VPS41: variants seen among roughly 807,000 people sequenced by gnomAD.
VPS41 encodes vacuolar protein sorting-associated protein 41 homolog.
A neutral mutation model predicts 130.9 loss-of-function variants in VPS41; 85 were observed. The ratio of observed to expected loss-of-function variants is 0.65; its 90% CI spans 0.55 to 0.78. The LOEUF (loss-of-function observed/expected upper bound fraction) is 0.78. Among genes scored for constraint, VPS41 ranks in the 30% least tolerant of loss-of-function variants. The probability of loss-of-function intolerance (pLI) is 0.00; values close to 1 mark genes in which losing one functional copy is unlikely to be tolerated. For missense variants in VPS41, 874 were observed against 1,018.7 expected (o/e 0.86, Z 1.93); for synonymous variants, 335 against 332.9 (o/e 1.01, Z -0.07).
chr7:38,849,236 G>A (rs1307756525), intron 4 of VPS41, among the ~76,000 whole-genome samples: 1 of 152,124 alleles, frequency 6.6e-6, no homozygotes, highest in African/African-American at 2.4e-5. Flanking sequence ...AGATGGGTGG[G>A]CTGTGGTGCT....
intron 19 of VPS41, among the ~76,000 whole-genome samples, chr7:38,755,490 A>G (rs1175225432): frequency 6.6e-6 from 1 of 152,224 alleles, no homozygotes; most frequent in Non-Finnish European, 1.5e-5. Context: ...CACTTTTATC[A>G]TTCAGGAAAC....
chr7:38,792,306 G>T (rs1784549465), intron 9 of VPS41, among the ~76,000 whole-genome samples: 1 of 152,214 alleles, frequency 6.6e-6, no homozygotes, highest in African/African-American at 2.4e-5. Flanking sequence ...TCTTGCCCAT[G>T]AACTCTAATC....
chr7:38,759,349 TTG>T (rs1462144112), intron 17 of VPS41, among the ~76,000 whole-genome samples: 1 of 152,188 alleles, frequency 6.6e-6, no homozygotes. Context: ...CACAGAAGTG[TTG>T]TGTTGTGAGA....
At chr7:38,905,484 G>A (rs9886108) in intron 1 of VPS41, among the ~76,000 whole-genome samples, 141,931 of 152,252 alleles carry the variant, frequency 0.93, 66,306 homozygotes, top group East Asian at 1. Context: ...GAATTTCCCA[G>A]TGACTTATAA....
intron 22 of VPS41, among the ~76,000 whole-genome samples, chr7:38,749,876 T>G (rs1796058478): frequency 6.6e-6 from 1 of 152,206 alleles, no homozygotes; most frequent in Non-Finnish European, 1.5e-5. Flanking sequence ...TCTTTTTTAT[T>G]TATTTAAAGA....
At chr7:38,812,990 C>T (rs186073626) in intron 7 of VPS41, among the ~76,000 whole-genome samples, 1 of 152,220 alleles carries the variant, frequency 6.6e-6, no homozygotes, top group East Asian at 1.9e-4. Flanking sequence ...TTCAAAATGT[C>T]CAACATAGAG....
chr7:38,863,767 C>T (rs1475552289), intron 3 of VPS41, among the ~76,000 whole-genome samples: 4 of 152,118 alleles, frequency 2.6e-5, no homozygotes, highest in African/African-American at 9.7e-5. Flanking sequence ...ATGACGATTC[C>T]GCTGCACAGG....
intron 7 of VPS41, among the ~76,000 whole-genome samples, chr7:38,801,689 T>C (rs1784729423): frequency 6.6e-6 from 1 of 152,240 alleles, no homozygotes; most frequent in Non-Finnish European, 1.5e-5. Flanking sequence ...TCACTGAGAT[T>C]GGTGTGTTTA....
chr7:38,769,579 AG>A (rs574432202), intron 14 of VPS41, among the ~76,000 whole-genome samples: 87 of 152,266 alleles, frequency 5.7e-4, no homozygotes, highest in African/African-American at 1.9e-3. Context: ...CTCCTTCCAC[AG>A]GGTATCTCTA....
intron 10 of VPS41, among the ~76,000 whole-genome samples, chr7:38,780,836 A>G (rs1422012586): frequency 6.6e-6 from 1 of 152,214 alleles, no homozygotes; most frequent in Non-Finnish European, 1.5e-5. Context: ...GTCATTTCTC[A>G]TGACTGTTTT....
intron 22 of VPS41, among the ~76,000 whole-genome samples, chr7:38,748,222 T>TGC (rs1468704609): frequency 6.6e-6 from 1 of 151,952 alleles, no homozygotes; most frequent in Non-Finnish European, 1.5e-5. Context: ...TGCGCGCGCG[T>TGC]GCGCGCACAC....
intron 3 of VPS41, among the ~76,000 whole-genome samples, chr7:38,866,767 A>G (rs1584435446): frequency 6.6e-6 from 1 of 152,254 alleles, no homozygotes; most frequent in Non-Finnish European, 1.5e-5. Flanking sequence ...TAGGAAAGCC[A>G]ACACGTAAAG....
chr7:38,736,759 A>T (rs1795777498), intron 25 of VPS41, among the ~76,000 whole-genome samples: 1 of 152,256 alleles, frequency 6.6e-6, no homozygotes, highest in African/African-American at 2.4e-5. Context: ...AAGGAGGATG[A>T]GAATCATAAT....
intron 8 of VPS41, 69 bp downstream of exon 8, chr7:38,796,676 C>G: frequency 6.2e-7 from 1 of 1,607,878 alleles, no homozygotes; most frequent in South Asian, 1.1e-5. Context: ...CCCTTCATTA[C>G]AGCCCTATCA....
chr7:38,780,412 G>A (rs1486982772), intron 10 of VPS41, among the ~76,000 whole-genome samples: 3 of 128,970 alleles, frequency 2.3e-5, no homozygotes, highest in African/African-American at 3.2e-5. Context: ...AAGGACTTCT[G>A]CATTCTGCTT....
chr7:38,758,618 T>A (rs1584378975), intron 17 of VPS41, 137 bp from the exon 18 acceptor site: 1 of 894,140 alleles, frequency 1.1e-6, no homozygotes, highest in East Asian at 2.7e-5. Context: ...TAAAATGATG[T>A]GTCTTCTTGT....
intron 4 of VPS41, among the ~76,000 whole-genome samples, chr7:38,850,404 G>T (rs980296053): frequency 1.6e-4 from 25 of 152,160 alleles, no homozygotes; most frequent in African/African-American, 6.0e-4. Flanking sequence ...TTATGGATCT[G>T]TAAGAGTTCC....
intron 9 of VPS41, 143 bp downstream of exon 9, chr7:38,795,322 G>T: frequency 1.8e-6 from 1 of 549,368 alleles, no homozygotes; most frequent in South Asian, 4.4e-5. Context: ...GAAATAATTT[G>T]AGCATTAAAT....
intron 4 of VPS41, among the ~76,000 whole-genome samples, chr7:38,852,519 A>G (rs1442554857): frequency 6.6e-6 from 1 of 152,226 alleles, no homozygotes; most frequent in East Asian, 1.9e-4. Context: ...GTGGGTAACA[A>G]GAACTTCATG....
Sources: gnomAD v4.1 joint callset for allele counts (sites outside exome capture counted in the v4.1 genomes callset) on GRCh38, gnomAD v4.1.1 for gene constraint, MANE v1.5 for transcripts, NCBI Gene and HGNC (gene_info 2026-07-23, HGNC 2026-07-21) for gene names.